The following LRMDA variants were observed in gnomAD, a reference collection of about 807,000 sequenced individuals.
LRMDA encodes leucine-rich melanocyte differentiation-associated protein.
LRMDA carries 18 observed loss-of-function variants against 29.8 expected under a neutral mutation model. The ratio of observed to expected loss-of-function variants is 0.60; its 90% CI spans 0.42 to 0.90. The LOEUF is 0.90. Among genes scored for constraint, LRMDA ranks in the 40% least tolerant of loss-of-function variants. The probability of loss-of-function intolerance (pLI) is 0.00; values close to 1 mark genes in which losing one functional copy is unlikely to be tolerated. For synonymous variants in LRMDA, 125 were observed against 109.4 expected, an observed-to-expected ratio of 1.14 and a Z score of -0.89; for missense variants, 273 against 273.9, an observed-to-expected ratio of 1.00 and a Z score of 0.02.
Position 76,001,096 on chromosome 10 carries a change from C to T in LRMDA, c.132-34912C>T, listed in dbSNP as rs562284225. On this transcript the variant is annotated intron_variant, in intron 2 of 6. Transcript: ENST00000611255. ...TTCCTGATCTGATGCTTTTCTGGCA[C>T]ACCACCCTGCCTTCCTGGAGACCCC... 1.1e-4 allele frequency among the ~76,000 whole-genome samples: 17 copies of T among 152,292 alleles called. No individual in the cohort carries two copies. The South Asian group carries it at 3.3e-3, about 30-fold the overall frequency.
intron 2 of LRMDA, among the ~76,000 whole-genome samples, chr10:75,635,463 T>G (rs1333513566): frequency 6.6e-6 from 1 of 152,122 alleles, no homozygotes; most frequent in Non-Finnish European, 1.5e-5. Context: ...CTTTCAGTTT[T>G]TGGAGAAATT....
chr10:75,877,448 G>A (rs1845216963), intron 2 of LRMDA, among the ~76,000 whole-genome samples: 1 of 152,138 alleles, frequency 6.6e-6, no homozygotes, highest in African/African-American at 2.4e-5. Flanking sequence ...CTGTCTCCAG[G>A]TTGTTTCTTA....
At chr10:76,414,344 CA>C (rs915382887) in intron 6 of LRMDA, among the ~76,000 whole-genome samples, 2 of 152,128 alleles carry the variant, frequency 1.3e-5, no homozygotes, top group African/African-American at 4.8e-5. Flanking sequence ...ACCAACCAAA[CA>C]GCAACAAAAA....
intron 2 of LRMDA, among the ~76,000 whole-genome samples, chr10:75,662,305 T>C (rs1252773237): frequency 6.6e-6 from 1 of 152,180 alleles, no homozygotes; most frequent in Non-Finnish European, 1.5e-5. Flanking sequence ...GGGGTTTGCA[T>C]TCTATCCCAT....
chr10:75,860,248 A>G (rs1844901259), intron 2 of LRMDA, among the ~76,000 whole-genome samples: 1 of 149,894 alleles, frequency 6.7e-6, no homozygotes, highest in African/African-American at 2.5e-5. Flanking sequence ...AGTAATCTCT[A>G]GAGCCTGAGG....
chr10:75,660,460 T>C (rs552586098), intron 2 of LRMDA, among the ~76,000 whole-genome samples: 69 of 152,304 alleles, frequency 4.5e-4, no homozygotes, highest in Non-Finnish European at 7.8e-4. Context: ...AATGCCACCA[T>C]TGATGCCTCT....
chr10:76,189,280 G>A (rs1851203947), intron 5 of LRMDA, among the ~76,000 whole-genome samples: 1 of 152,040 alleles, frequency 6.6e-6, no homozygotes, highest in Non-Finnish European at 1.5e-5. Context: ...TCGCTTTGAC[G>A]CTGGAGTCGG....
At chr10:76,047,356 AG>A (rs1056966601) in intron 4 of LRMDA, 53 bp downstream of exon 4, 2 of 1,525,462 alleles carry the variant, frequency 1.3e-6, no homozygotes, top group African/African-American at 2.8e-5. Flanking sequence ...GAGAAACTTT[AG>A]GGGATGATAT....
At chr10:76,475,338 A>T (rs1229976257) in intron 6 of LRMDA, among the ~76,000 whole-genome samples, 1 of 151,924 alleles carries the variant, frequency 6.6e-6, no homozygotes, top group Non-Finnish European at 1.5e-5. Context: ...TATGTTTATT[A>T]TATCTCAATA....
intron 2 of LRMDA, among the ~76,000 whole-genome samples, chr10:75,606,496 C>T (rs1255225892): frequency 6.6e-6 from 1 of 152,184 alleles, no homozygotes; most frequent in Non-Finnish European, 1.5e-5. Flanking sequence ...AGAGTCCATT[C>T]CGGGCTACAT....
chr10:75,968,752 A>C (rs1220273477), intron 2 of LRMDA, among the ~76,000 whole-genome samples: 2 of 152,198 alleles, frequency 1.3e-5, no homozygotes, highest in Non-Finnish European at 2.9e-5. Context: ...CTAGAGATTC[A>C]TACCCTTAGG....
intron 5 of LRMDA, among the ~76,000 whole-genome samples, chr10:76,147,647 A>C (rs3998127): frequency 6.6e-6 from 1 of 151,518 alleles, no homozygotes; most frequent in Non-Finnish European, 1.5e-5. Flanking sequence ...CCTGTAGCTC[A>C]GAGTAGTTTG....
intron 2 of LRMDA, among the ~76,000 whole-genome samples, chr10:75,741,185 T>C (rs765741572): frequency 1.3e-5 from 2 of 152,188 alleles, no homozygotes; most frequent in Non-Finnish European, 2.9e-5. Flanking sequence ...TGTCAGCCCC[T>C]GTGTATTTCT....
chr10:75,561,083 T>C (rs1470833279), intron 2 of LRMDA, among the ~76,000 whole-genome samples: 2 of 151,588 alleles, frequency 1.3e-5, no homozygotes, highest in African/African-American at 4.8e-5. Context: ...CTTTTTCTAT[T>C]GATTGGAATA....
intron 5 of LRMDA, among the ~76,000 whole-genome samples, chr10:76,115,403 T>A (rs1353207466): frequency 6.6e-6 from 1 of 152,150 alleles, no homozygotes; most frequent in Admixed American, 6.5e-5. Flanking sequence ...AGGAGAGTAG[T>A]AAGGAAGCAG....
At chr10:76,359,173 A>T (rs918365588) in intron 6 of LRMDA, among the ~76,000 whole-genome samples, 53 of 152,214 alleles carry the variant, frequency 3.5e-4, no homozygotes, top group Admixed American at 2.7e-3. Context: ...GGCAGAGAAC[A>T]TTGGAGCCTC....
At chr10:76,252,618 T>A (rs1852506051) in intron 5 of LRMDA, among the ~76,000 whole-genome samples, 1 of 152,190 alleles carries the variant, frequency 6.6e-6, no homozygotes, top group Non-Finnish European at 1.5e-5. Flanking sequence ...CTGTTATAAA[T>A]TAAATGTTTT....
At chr10:75,605,192 T>C (rs1028590637) in intron 2 of LRMDA, among the ~76,000 whole-genome samples, 6 of 152,210 alleles carry the variant, frequency 3.9e-5, no homozygotes, top group African/African-American at 1.4e-4. Flanking sequence ...ATATAGAGAC[T>C]TGAATTCTAA....
At chr10:76,096,563 C>CT (rs1191607577) in intron 5 of LRMDA, among the ~76,000 whole-genome samples, 2 of 151,998 alleles carry the variant, frequency 1.3e-5, no homozygotes, top group Non-Finnish European at 2.9e-5. Context: ...TGATTTTGTA[C>CT]TTTTTTGACA....
Sources: allele counts gnomAD v4.1 joint callset (sites outside exome capture counted in the v4.1 genomes callset), GRCh38; gene constraint gnomAD v4.1.1; transcripts MANE v1.5; gene names NCBI Gene and HGNC (gene_info 2026-07-23, HGNC 2026-07-21).